Variants in TPH2 observed in about 807,000 individuals in gnomAD.
TPH2 encodes tryptophan 5-hydroxylase 2.
TPH2 carries 27 observed loss-of-function variants against 59.1 expected under a neutral mutation model. The ratio of observed to expected loss-of-function variants is 0.46; its 90% CI spans 0.34 to 0.63. The LOEUF (loss-of-function observed/expected upper bound fraction) is 0.63. Ranked by LOEUF, TPH2 falls within the 30% of genes least tolerant of loss-of-function variation. The pLI is 0.01. For synonymous variants in TPH2, 220 were observed against 210.5 expected (o/e 1.05, Z -0.39); for missense variants, 523 against 588.3 (o/e 0.89, Z 1.15).
In TPH2 at chr12:71,961,535, T is replaced by C. The variant is rs1226957825; in HGVS notation, c.609-10984T>C. The C allele has an allele frequency of 2.2e-6, 3 of 1,351,526 alleles. No homozygotes were observed. The South Asian group carries it at 3.4e-5, about 15-fold the overall frequency. The allele number at this position is 1,351,526 out of a possible 1,614,324, so 83.7% of individuals were successfully genotyped here. On this transcript the variant is annotated intron_variant, in intron 5 of 10. Transcript: ENST00000333850. Reference sequence around the variant, plus strand: ...ATTAAATCTGTGACTCTTCATTCTTTGTGAATCTTCATTCTAGTGGCCCAA... The same window carrying C: ...ATTAAATCTGTGACTCTTCATTCTTCGTGAATCTTCATTCTAGTGGCCCAA...
chr12:71,987,449 C>A (rs1872465842), intron 7 of TPH2, among the ~76,000 whole-genome samples: 1 of 152,164 alleles, frequency 6.6e-6, no homozygotes, highest in Non-Finnish European at 1.5e-5. Context: ...AAAACTTATT[C>A]AAGTATGATA....
intron 6 of TPH2, among the ~76,000 whole-genome samples, chr12:71,974,860 A>G (rs887512931): frequency 6.6e-6 from 1 of 152,062 alleles, no homozygotes; most frequent in Non-Finnish European, 1.5e-5. Context: ...CTGCCCATAG[A>G]TGTTACTTTC....
At chr12:71,999,853 A>G (rs1872779294) in intron 8 of TPH2, among the ~76,000 whole-genome samples, 1 of 152,234 alleles carries the variant, frequency 6.6e-6, no homozygotes, top group Admixed American at 6.5e-5. Flanking sequence ...CTTAGACTAT[A>G]CTATCCTTGA....
chr12:71,938,898 C>T lies in TPH2; in HGVS notation c.-89C>T. On this transcript the variant is annotated 5_prime_UTR_variant, in exon 1 of 11. Transcript: ENST00000333850. Reference sequence around the variant, plus strand: ...ACAGCGCCCCAAGCAGGCAGCTGATCGCACGCCCCTTCCTCTCAATCTCCG... The same window carrying T: ...ACAGCGCCCCAAGCAGGCAGCTGATTGCACGCCCCTTCCTCTCAATCTCCG... 3 of 1,129,204 alleles carry T rather than the reference C, an allele frequency of 2.7e-6. No homozygotes were observed. The highest frequency in any genetic ancestry group is 1.2e-5 in the South Asian group (1 of 81,242). The allele number at this position is 1,129,204 out of a possible 1,614,324, so 69.9% of individuals were successfully genotyped here.
chr12:72,026,572 C>T (rs1316704194), intron 9 of TPH2, among the ~76,000 whole-genome samples: 5 of 152,150 alleles, frequency 3.3e-5, no homozygotes, highest in African/African-American at 7.2e-5. Flanking sequence ...AGTAAGGACT[C>T]GCTGCTGCTG....
chr12:71,953,255 G>A (rs547903578), intron 5 of TPH2, among the ~76,000 whole-genome samples: 12 of 152,114 alleles, frequency 7.9e-5, no homozygotes, highest in Non-Finnish European at 1.6e-4. Flanking sequence ...ACCAAAGGTA[G>A]TTAAATCAGG....
At chr12:72,006,080 G>A (rs991638200) in intron 8 of TPH2, among the ~76,000 whole-genome samples, 2 of 152,124 alleles carry the variant, frequency 1.3e-5, no homozygotes, top group African/African-American at 4.8e-5. Context: ...GACACTATGC[G>A]GTTTTCCTGA....
At chr12:71,970,107 A>G (rs540161241) in intron 5 of TPH2, among the ~76,000 whole-genome samples, 9 of 152,362 alleles carry the variant, frequency 5.9e-5, no homozygotes, top group South Asian at 2.1e-4. Flanking sequence ...CGAAGTAGAT[A>G]AAACTAGTAT....
At chr12:71,990,071 C>A (rs1390200375) in intron 7 of TPH2, among the ~76,000 whole-genome samples, 8 of 151,634 alleles carry the variant, frequency 5.3e-5, no homozygotes, top group Admixed American at 3.9e-4. Flanking sequence ...AAGCATTATT[C>A]AGGCAAAAAT....
intron 7 of TPH2, among the ~76,000 whole-genome samples, chr12:71,991,935 G>T (rs371532437): frequency 7.9e-5 from 12 of 152,268 alleles, no homozygotes; most frequent in Admixed American, 2.6e-4. Context: ...AGTTATCACA[G>T]TGAATCTCAG....
chr12:72,016,754 C>T (rs1873265011), intron 8 of TPH2, among the ~76,000 whole-genome samples: 1 of 152,184 alleles, frequency 6.6e-6, no homozygotes, highest in African/African-American at 2.4e-5. Flanking sequence ...TCAGTCACTT[C>T]CTCACTTGCT....
chr12:71,951,151 C>A (rs1871334197), intron 5 of TPH2, among the ~76,000 whole-genome samples: 1 of 152,102 alleles, frequency 6.6e-6, no homozygotes, highest in Non-Finnish European at 1.5e-5. Context: ...CCCCTTCTTA[C>A]CCTCAGTACC....
rs1174895914 is a variant in TPH2, at chr12:71,944,638, C to T, written c.492C>T (p.Cys164=). Residue 164 remains cysteine (C), a synonymous_variant, in exon 4 of 11, where the codon TGC becomes TGT. Coordinates refer to ENST00000333850, the MANE Select transcript of TPH2 (RefSeq NM_173353.4). ...FPRKISELDK[C]SHRVLMYGSE... ...GGAAGATCTCTGAGTTAGACAAATG[C>T]TCTCACAGAGTTCTCATGTATGGTT... 3 of 1,613,812 alleles carry T rather than the reference C, an allele frequency of 1.9e-6. No individual in the cohort carries two copies. The highest frequency in any genetic ancestry group is 1.3e-5 in the African/African-American group (1 of 74,902).
intron 8 of TPH2, among the ~76,000 whole-genome samples, chr12:72,010,436 T>A (rs1368378182): frequency 6.6e-6 from 1 of 152,172 alleles, no homozygotes; most frequent in Non-Finnish European, 1.5e-5. Context: ...CTTGGTGTCA[T>A]CTCTGAGTAT....
chr12:71,965,518 C>T (rs1296116610), intron 5 of TPH2: 2 of 152,110 alleles, frequency 1.3e-5, no homozygotes, highest in African/African-American at 4.8e-5. Context: ...TTTTGATTTG[C>T]ATTTCTCTAA....
chr12:71,939,206 C>A (rs1434415826), intron 1 of TPH2, 115 bp downstream of exon 1: 2 of 787,990 alleles, frequency 2.5e-6, no homozygotes, highest in Non-Finnish European at 4.3e-6. Flanking sequence ...ATTTCTCCTT[C>A]TTTATAATCT....
chr12:71,940,385 A>G (rs1871023873), intron 1 of TPH2, among the ~76,000 whole-genome samples: 1 of 152,150 alleles, frequency 6.6e-6, no homozygotes, highest in Admixed American at 6.5e-5. Context: ...TCTATTATAT[A>G]TAAATCTAGT....
At chr12:72,024,847 T>C (rs778976928) in intron 9 of TPH2, among the ~76,000 whole-genome samples, 23 of 152,188 alleles carry the variant, frequency 1.5e-4, no homozygotes, top group Non-Finnish European at 2.1e-4. Context: ...CAGAATACCT[T>C]CTTGCTCTGG....
intron 8 of TPH2, among the ~76,000 whole-genome samples, chr12:72,016,240 T>C (rs1873250635): frequency 6.6e-6 from 1 of 152,144 alleles, no homozygotes; most frequent in African/African-American, 2.4e-5. Flanking sequence ...TGGTTGAGTT[T>C]TCCTATTATT....
Sources: allele counts gnomAD v4.1 joint callset (sites outside exome capture counted in the v4.1 genomes callset), GRCh38; gene constraint gnomAD v4.1.1; transcripts MANE v1.5; gene names NCBI Gene and HGNC (gene_info 2026-07-23, HGNC 2026-07-21).